Variants in ATMIN observed in about 807,000 individuals in gnomAD.
The protein encoded by ATMIN is ATM interactor.
Under a neutral mutation model 49.2 loss-of-function variants are expected in ATMIN, and 24 were observed. That is an observed-to-expected ratio of 0.49 (90% confidence interval 0.35 to 0.69). The LOEUF (loss-of-function observed/expected upper bound fraction) is 0.69. Ranked by LOEUF, ATMIN falls within the 30% of genes least tolerant of loss-of-function variation. The pLI, the probability that ATMIN is intolerant of heterozygous loss-of-function variation, is 0.00. For synonymous variants in ATMIN, 450 were observed against 392.5 expected (o/e 1.15, Z -1.73); for missense variants, 1,037 against 1,005.5 (o/e 1.03, Z -0.42).
chr16:81,043,365 A>G lies in ATMIN; in HGVS notation c.867A>G (p.Arg289=), dbSNP rs17849653. 0.014 allele frequency: 22,329 copies of G among 1,614,018 alleles called. 212 individuals carry two copies. Among genetic ancestry groups the G allele is most frequent in the Non-Finnish European group, 0.016 (19,234 of 1,179,986 alleles). ...AGCAGACTCTTACAACACCACCGAG[A>G]TATCCTCAGAAGTTGCTTTTACCAA... The part of the protein sequence containing the change: ...TDKQTLTTPP[R]YPQKLLLPKP... The change falls in exon 4 of 4, where the codon AGA becomes AGG. Residue 289 remains arginine, a synonymous_variant. Coordinates refer to ENST00000299575, the MANE Select transcript of ATMIN (RefSeq NM_015251.3).
intron 1 of ATMIN, chr16:81,037,044 T>C (rs1970949781): frequency 1.4e-5 from 5 of 358,450 alleles, no homozygotes; most frequent in Non-Finnish European, 1.9e-5. Flanking sequence ...ACCCTCCACG[T>C]TATGCAAAAC....
intron 1 of ATMIN, 193 bp from the exon 2 acceptor site, chr16:81,041,163 T>C (rs1971030368): frequency 1.8e-6 from 1 of 543,072 alleles, no homozygotes. Context: ...AATTTTAGAG[T>C]CTTGCTTAGT....
rs199588579 is a variant in ATMIN, at chr16:81,044,887, C to G, written c.2389C>G (p.Leu797Val). Residue 797 changes from leucine to valine, a missense_variant, in exon 4 of 4, where the codon CTG (leucine) becomes GTG (valine). Leu to Val is a conservative substitution (Grantham distance 32, BLOSUM62 1). Transcript: ENST00000299575. Reference sequence around the variant, plus strand: ...AATGGATGACTTTCTTCTGGCTGATCTGGCCTGGAACACGATGGAGTCTCA... The same window carrying G: ...AATGGATGACTTTCTTCTGGCTGATGTGGCCTGGAACACGATGGAGTCTCA... ...TAMDDFLLAD[L>V]AWNTMESQFS... is the part of the protein sequence containing the mutation. 100 of 1,614,172 alleles carry G rather than the reference C, an allele frequency of 6.2e-5. 1 individual carries two copies. The Middle Eastern group carries it at 1.6e-3, about 27-fold the overall frequency.
At position 81,035,901 on chromosome 16, in the gene ATMIN, G is replaced by GCGT; in HGVS notation, c.31_32insCGT (p.Gly11delinsAlaTrp). On this transcript the variant is annotated protein_altering_variant, in exon 1 of 4. Coordinates refer to ENST00000299575, the MANE Select transcript of ATMIN (RefSeq NM_015251.3). Reference sequence around the variant, plus strand: ...GGCCTCGGAGGCGGCGGCGGCGGCGGGGTCCGCGGCTCTGGCGGCGGGTGC... The same window carrying GCGT: ...GGCCTCGGAGGCGGCGGCGGCGGCGGCGTGGTCCGCGGCTCTGGCGGCGGGTGC... 1.0e-6 allele frequency: 1 copy of GCGT among 982,888 alleles called. No homozygotes were observed. The highest frequency in any genetic ancestry group is 1.2e-6 in the Non-Finnish European group (1 of 829,192). The allele number at this position is 982,888 out of a possible 1,614,324, so 60.9% of individuals were successfully genotyped here. A position where few individuals can be genotyped will look rare whatever the true frequency, so the allele number is the denominator to read the frequency against.
At position 81,044,668 on chromosome 16, in the gene ATMIN, C is replaced by G; in HGVS notation, c.2170C>G (p.Leu724Val). The G allele has an allele frequency of 1.2e-6, 2 of 1,614,170 alleles. No homozygotes were observed. Among genetic ancestry groups the G allele is most frequent in the Non-Finnish European group, 1.7e-6 (2 of 1,180,036 alleles). ...SSPHLPLGSI[L>V]KHSSFSVSTD... ...CCCTCATCTGCCTCTGGGAAGTATT[C>G]TGAAACACTCCAGCTTTTCCGTGAG... is the stretch of plus-strand genomic sequence containing the variant. The change falls in exon 4 of 4, where the codon CTG (leucine) becomes GTG (valine). Residue 724 changes from leucine to valine, a missense_variant. Leu to Val is a conservative substitution (Grantham distance 32, BLOSUM62 1). Transcript: ENST00000299575.
At chr16:81,036,529 C>T (rs1970937907) in intron 1 of ATMIN, among the ~76,000 whole-genome samples, 1 of 152,222 alleles carries the variant, frequency 6.6e-6, no homozygotes, top group African/African-American at 2.4e-5. Context: ...CCTGTGAGTT[C>T]TTAACGGCGT....
Position 81,036,073 on chromosome 16 carries a change from TG to T in ATMIN, c.204del (p.Ile69SerfsTer5). On this transcript the variant is annotated frameshift_variant, in exon 1 of 4. Coordinates refer to ENST00000299575, the MANE Select transcript of ATMIN (RefSeq NM_015251.3). LOFTEE classifies it high-confidence loss of function. ...GTCCCCGCGCCGCCGGCGGGGGAGC[TG>T]ATCCAGCCGTCGGTGAGCGAGCTGT... is the stretch of plus-strand genomic sequence containing the variant. ...PAVPAPPAGELIQPSVSELSR... is the reference protein window; with the variant it reads ...PAVPAPPAGEXIQPSVSELSR... 7.6e-7 allele frequency: 1 copy of T among 1,323,306 alleles called. No homozygotes were observed. Among genetic ancestry groups the T allele is most frequent in the South Asian group, 2.0e-5 (1 of 49,840 alleles). The allele number at this position is 1,323,306 out of a possible 1,614,324, so 82.0% of individuals were successfully genotyped here.
Position 81,045,166 on chromosome 16 carries a change from T to A in ATMIN, c.*196T>A. On this transcript the variant is annotated 3_prime_UTR_variant, in exon 4 of 4. Coordinates refer to ENST00000299575, the MANE Select transcript of ATMIN (RefSeq NM_015251.3). ...TGTGAGTGTATTATAAAGTTTGAGATGTTGATCTAAATTGTTTTTGTGTTG... is the reference window on the plus strand; with the variant it reads ...TGTGAGTGTATTATAAAGTTTGAGAAGTTGATCTAAATTGTTTTTGTGTTG... 1.5e-6 allele frequency: 1 copy of A among 685,720 alleles called. No individual in the cohort carries two copies. Among genetic ancestry groups the A allele is most frequent in the South Asian group, 2.7e-5 (1 of 36,958 alleles). 42.5% of individuals were successfully genotyped at this position (685,720 alleles called of 1,614,324 possible).
At chr16:81,037,420 G>A (rs973827933) in intron 1 of ATMIN, 1 of 985,302 alleles carries the variant, frequency 1.0e-6, no homozygotes, top group Non-Finnish European at 1.2e-6. Context: ...TCTAAACCGG[G>A]ATGCAACAAC....
At position 81,042,488 on chromosome 16, in the gene ATMIN, G is replaced by A. The variant is rs1971051833; in HGVS notation, c.662+8G>A. On this transcript the variant is annotated splice_region_variant and intron_variant, in intron 3 of 3. Transcript: ENST00000299575. ...GATACCTGCAGAACACAGGTGAAGG[G>A]AAAGAAATGATGGCACAGAAGTCAG... is the stretch of plus-strand genomic sequence containing the variant. 1 of 1,613,054 alleles carries A rather than the reference G, an allele frequency of 6.2e-7. No individual in the cohort carries two copies. Among genetic ancestry groups the A allele is most frequent in the African/African-American group, 1.3e-5 (1 of 74,976 alleles).
chr16:81,036,407 G>A (rs1018461867), intron 1 of ATMIN, among the ~76,000 whole-genome samples: 3 of 152,026 alleles, frequency 2.0e-5, no homozygotes, highest in Admixed American at 1.3e-4. Context: ...CTCTGGGGGG[G>A]AGGAGGAGCT....
rs1056533182 is a variant in ATMIN at position 81,035,845 on chromosome 16, C to G, written c.-26C>G. The G allele has an allele frequency of 9.1e-6, 7 of 766,516 alleles. No homozygotes were observed. The highest frequency in any genetic ancestry group is 1.9e-5 in the African/African-American group (1 of 52,692). The allele number at this position is 766,516 out of a possible 1,614,324, so 47.5% of individuals were successfully genotyped here. A position where few individuals can be genotyped will look rare whatever the true frequency, so the allele number is the denominator to read the frequency against. On this transcript the variant is annotated 5_prime_UTR_variant, in exon 1 of 4. Transcript: ENST00000299575. ...CTGCGGCGGGGGCGGGGCCTACGAACTGGGCCGGGCGGCCGTGCGGGAGCC... is the reference window on the plus strand; with the variant it reads ...CTGCGGCGGGGGCGGGGCCTACGAAGTGGGCCGGGCGGCCGTGCGGGAGCC...
Position 81,042,414 on chromosome 16 carries a change from A to G in ATMIN, c.596A>G (p.Tyr199Cys). ...KTFRCTCGCP[Y>C]ASRTALQSHI... is the part of the protein sequence containing the mutation. ...TTCCGGTGCACATGCGGCTGTCCCT[A>G]CGCCAGTAGAACAGCACTGCAGTCT... Residue 199 changes from tyrosine to cysteine, a missense_variant, in exon 3 of 4, where the codon TAC (tyrosine) becomes TGC (cysteine). By Grantham distance (194) the Tyr-to-Cys change is radical. Transcript: ENST00000299575. The G allele has an allele frequency of 6.2e-7, 1 of 1,614,218 alleles. No individual in the cohort carries two copies. Among genetic ancestry groups the G allele is most frequent in the Non-Finnish European group, 8.5e-7 (1 of 1,180,048 alleles).
rs1345298253 is a variant in ATMIN, at chr16:81,045,002, A to G, written c.*32A>G. 6.3e-7 allele frequency: 1 copy of G among 1,590,640 alleles called. No individual in the cohort carries two copies. Among genetic ancestry groups the G allele is most frequent in the Non-Finnish European group, 8.6e-7 (1 of 1,167,020 alleles). On this transcript the variant is annotated 3_prime_UTR_variant, in exon 4 of 4. Coordinates refer to ENST00000299575, the MANE Select transcript of ATMIN (RefSeq NM_015251.3). ...CGGTGGAGTCCATGTGTGAAATGGC[A>G]TCTACCATTTCCTCTGGATTAAAAC... is the stretch of plus-strand genomic sequence containing the variant.
In ATMIN at chr16:81,044,985, T is replaced by TC; in HGVS notation, c.*17dup. Reference sequence around the variant, plus strand: ...CCAACTTCTAAAACTAACGGTGGAGTCCATGTGTGAAATGGCATCTACCAT... The same window carrying TC: ...CCAACTTCTAAAACTAACGGTGGAGTCCCATGTGTGAAATGGCATCTACCAT... On this transcript the variant is annotated 3_prime_UTR_variant, in exon 4 of 4. Coordinates refer to ENST00000299575, the MANE Select transcript of ATMIN (RefSeq NM_015251.3). The TC allele has an allele frequency of 1.2e-6, 2 of 1,602,066 alleles. No homozygotes were observed. Among genetic ancestry groups the TC allele is most frequent in the South Asian group, 2.2e-5 (2 of 90,060 alleles).
intron 1 of ATMIN, chr16:81,040,658 AAGT>A: frequency 6.6e-6 from 1 of 152,342 alleles, no homozygotes; most frequent in Admixed American, 6.5e-5. Flanking sequence ...AGAGAAGAAA[AAGT>A]AGTTTGAAGC....
At position 81,042,268 on chromosome 16, in the gene ATMIN, G is replaced by C. The variant is rs1971048447; in HGVS notation, c.463-13G>C. 1.2e-6 allele frequency: 2 copies of C among 1,611,974 alleles called. No individual in the cohort carries two copies. The highest frequency in any genetic ancestry group is 1.7e-6 in the Non-Finnish European group (2 of 1,179,606). ...GCTGTTTTTCACCTTAGTCCCTTCT[G>C]CGTTCCTCCTAGCACTTTATGAAAA... On this transcript the variant is annotated splice_polypyrimidine_tract_variant and intron_variant, in intron 2 of 3. Coordinates refer to ENST00000299575, the MANE Select transcript of ATMIN (RefSeq NM_015251.3).
chr16:81,044,335 T>C lies in ATMIN; in HGVS notation c.1837T>C (p.Leu613=). 6.2e-7 allele frequency: 1 copy of C among 1,614,174 alleles called. No individual in the cohort carries two copies. The highest frequency in any genetic ancestry group is 8.5e-7 in the Non-Finnish European group (1 of 1,180,024). The change falls in exon 4 of 4, where the codon TTG becomes CTG. Residue 613 remains leucine (L), a synonymous_variant. Transcript: ENST00000299575. ...TCAGACATTGGATCATCGTAGTCTTTTGTCTGACACAAATCCTGGACCTGA... is the reference window on the plus strand; with the variant it reads ...TCAGACATTGGATCATCGTAGTCTTCTGTCTGACACAAATCCTGGACCTGA... ...PAQTLDHRSL[L]SDTNPGPDTQ... is the part of the protein sequence containing the mutation.
chr16:81,043,202 A>T lies in ATMIN; in HGVS notation c.704A>T (p.Gln235Leu). 3 of 1,611,486 alleles carry T rather than the reference A, an allele frequency of 1.9e-6. No individual in the cohort carries two copies. The highest frequency in any genetic ancestry group is 1.7e-6 in the Non-Finnish European group (2 of 1,179,400). Residue 235 changes from glutamine to leucine, a missense_variant, in exon 4 of 4, where the codon CAA becomes CTA. Physicochemically the swap from Gln to Leu is moderately radical, Grantham distance 113. Transcript: ENST00000299575. ...SKKRKMENCA[Q>L]NQKLSNKTIE... ...AAAAGGAAAATGGAAAACTGTGCAC[A>T]AAACCAGAAGTTATCCAACAAGACC...
Sources: gnomAD v4.1 joint callset for allele counts (sites outside exome capture counted in the v4.1 genomes callset) on GRCh38, gnomAD v4.1.1 for gene constraint, MANE v1.5 for transcripts, NCBI Gene and HGNC (gene_info 2026-07-23, HGNC 2026-07-21) for gene names.